The following ALDH9A1 variants were observed in gnomAD, a reference collection of about 807,000 sequenced individuals.
The protein encoded by ALDH9A1 is aldehyde dehydrogenase 9 family member A1, also known as 4-trimethylaminobutyraldehyde dehydrogenase.
A neutral mutation model predicts 56.6 loss-of-function variants in ALDH9A1; 42 were observed. The ratio of observed to expected loss-of-function variants is 0.74; its 90% CI spans 0.58 to 0.96. The LOEUF (loss-of-function observed/expected upper bound fraction) is 0.96, where lower values mean the gene tolerates loss of function less well. ALDH9A1 is among the 40% of genes least tolerant of loss of function. The pLI, the probability that ALDH9A1 is intolerant of heterozygous loss-of-function variation, is 0.00. For missense variants in ALDH9A1, 661 were observed against 651.5 expected (o/e 1.01, Z -0.16); for synonymous variants, 242 against 236.0 (o/e 1.03, Z -0.23).
At chr1:165,665,597 T>TA (rs376900491) in intron 9 of ALDH9A1, among the ~76,000 whole-genome samples, 7 of 151,550 alleles carry the variant, frequency 4.6e-5, no homozygotes, top group South Asian at 2.1e-4. Context: ...AAGTAACAGA[T>TA]AAAAAAAACA....
chr1:165,695,055 A>G (rs1254961315), intron 2 of ALDH9A1, among the ~76,000 whole-genome samples, 197 bp downstream of exon 2: 1 of 152,212 alleles, frequency 6.6e-6, no homozygotes, highest in African/African-American at 2.4e-5. Context: ...CTGCCAAAGG[A>G]GATGTCCAAG....
chr1:165,671,515 C>T (rs999556740), intron 6 of ALDH9A1: 4 of 454,570 alleles, frequency 8.8e-6, no homozygotes, highest in Non-Finnish European at 1.7e-5. Context: ...TCTAAGGGAC[C>T]GCTCCTAATC....
intron 4 of ALDH9A1, 143 bp downstream of exon 4, chr1:165,681,964 C>G (rs1361078389): frequency 8.8e-7 from 1 of 1,132,336 alleles, no homozygotes; most frequent in Non-Finnish European, 1.2e-6. Context: ...CGAGCCATGT[C>G]CTCTGAGGCT....
chr1:165,670,641 T>A (rs1649146758), intron 6 of ALDH9A1, among the ~76,000 whole-genome samples: 1 of 152,084 alleles, frequency 6.6e-6, no homozygotes. Flanking sequence ...AACATTTACC[T>A]CAGATAAAAG....
At position 165,680,513 on chromosome 1, in the gene ALDH9A1, T is replaced by C; in HGVS notation, c.763A>G (p.Thr255Ala). 6.2e-7 allele frequency: 1 copy of C among 1,614,070 alleles called. No individual in the cohort carries two copies. The highest frequency in any genetic ancestry group is 8.5e-7 in the Non-Finnish European group (1 of 1,179,992). Residue 255 changes from threonine (T) to alanine (A), a missense_variant, in exon 5 of 11, where the codon ACT becomes GCT. Transcript: ENST00000354775. Reference sequence around the variant, plus strand: ...TTCATGCCAGTGGGCACACTTCCAGTGAAGGAGACTTTGGCCACATCGGGA... The same window carrying C: ...TTCATGCCAGTGGGCACACTTCCAGCGAAGGAGACTTTGGCCACATCGGGA... Reference protein sequence around the residue: ...QHPDVAKVSFTGSVPTGMKIM... With the variant: ...QHPDVAKVSFAGSVPTGMKIM...
intron 5 of ALDH9A1, among the ~76,000 whole-genome samples, chr1:165,679,988 G>A (rs1649491520): frequency 6.6e-6 from 1 of 152,054 alleles, no homozygotes; most frequent in South Asian, 2.1e-4. Flanking sequence ...AATCCAGCCT[G>A]GGCAACAGGG....
chr1:165,678,161 C>G (rs1255748677), intron 6 of ALDH9A1, among the ~76,000 whole-genome samples: 1 of 152,064 alleles, frequency 6.6e-6, no homozygotes, highest in Non-Finnish European at 1.5e-5. Flanking sequence ...CAGTGAAACT[C>G]TGTCTCTACT....
At chr1:165,678,100 C>T (rs1321035480) in intron 6 of ALDH9A1, among the ~76,000 whole-genome samples, 1 of 151,932 alleles carries the variant, frequency 6.6e-6, no homozygotes, top group African/African-American at 2.4e-5. Context: ...CTTTGGGAGG[C>T]CAACGTGGGT....
At chr1:165,665,204 G>T in intron 9 of ALDH9A1, 74 bp from the exon 10 acceptor site, 1 of 1,134,000 alleles carries the variant, frequency 8.8e-7, no homozygotes, top group Non-Finnish European at 1.3e-6. Flanking sequence ...AAGTTACACT[G>T]CCAGTTCTAG....
At chr1:165,664,648 A>G (rs144377863) in intron 10 of ALDH9A1, among the ~76,000 whole-genome samples, 38 of 152,370 alleles carry the variant, frequency 2.5e-4, no homozygotes, top group African/African-American at 9.1e-4. Flanking sequence ...TAAAAACTCC[A>G]CAGTGGATGA....
At chr1:165,687,317 A>G (rs1649742288) in intron 2 of ALDH9A1, among the ~76,000 whole-genome samples, 1 of 152,032 alleles carries the variant, frequency 6.6e-6, no homozygotes, top group Non-Finnish European at 1.5e-5. Flanking sequence ...TAAAGAAATC[A>G]TGGCCAAATT....
At chr1:165,697,908 A>G (rs1650141717) in intron 1 of ALDH9A1, among the ~76,000 whole-genome samples, 1 of 152,088 alleles carries the variant, frequency 6.6e-6, no homozygotes, top group African/African-American at 2.4e-5. Flanking sequence ...GGGAGCCTGT[A>G]ATCCCAGCTA....
intron 6 of ALDH9A1, chr1:165,671,260 G>T: frequency 4.4e-6 from 1 of 226,898 alleles, no homozygotes; most frequent in Non-Finnish European, 9.0e-6. Context: ...GCCATCATGG[G>T]TCACATGCAC....
intron 9 of ALDH9A1, 133 bp from the exon 10 acceptor site, chr1:165,665,263 C>G: frequency 4.2e-6 from 3 of 722,374 alleles, no homozygotes; most frequent in South Asian, 1.9e-5. Flanking sequence ...GTTTTAAAAT[C>G]TTTTATCATC....
At chr1:165,697,766 C>G (rs574544912) in intron 1 of ALDH9A1, among the ~76,000 whole-genome samples, 1 of 152,120 alleles carries the variant, frequency 6.6e-6, no homozygotes, top group South Asian at 2.1e-4. Flanking sequence ...TGGTGGCTCA[C>G]GGCTGTAATC....
intron 9 of ALDH9A1, among the ~76,000 whole-genome samples, chr1:165,666,245 G>T (rs1011919469): frequency 6.6e-6 from 1 of 152,172 alleles, no homozygotes; most frequent in Non-Finnish European, 1.5e-5. Flanking sequence ...GGGGCTGGGG[G>T]TGGGGAGTGG....
Position 165,697,688 on chromosome 1 carries a change from C to G in ALDH9A1, c.181+690G>C, listed in dbSNP as rs187433923. Among the ~76,000 whole-genome samples, 168 of 152,292 alleles carry G rather than the reference C, an allele frequency of 1.1e-3. 1 individual carries two copies. The highest frequency in any genetic ancestry group is 1.8e-4 in the Non-Finnish European group (12 of 68,024). ...GCCCCGTTCTTTTAGAATTCCTCTC[C>G]TATGCACACATTTGAAGACAATAAT... On this transcript the variant is annotated intron_variant, in intron 1 of 10. Transcript: ENST00000354775.
chr1:165,693,623 T>C (rs1649964973), intron 2 of ALDH9A1, among the ~76,000 whole-genome samples: 1 of 152,206 alleles, frequency 6.6e-6, no homozygotes, highest in East Asian at 1.9e-4. Flanking sequence ...GGTGGGACTG[T>C]AAACTAGTTC....
At position 165,694,064 on chromosome 1, in the gene ALDH9A1, G is replaced by A. The variant is rs577302578; in HGVS notation, c.327+1188C>T. On this transcript the variant is annotated intron_variant, in intron 2 of 10. Coordinates refer to ENST00000354775, the MANE Select transcript of ALDH9A1 (RefSeq NM_000696.4). ...GGAACATCACACACCGGGGCCGTAG[G>A]GGGTGGGGGGCTGGGGGAGGGATAG... Among the ~76,000 whole-genome samples the A allele has an allele frequency of 6.6e-5, 10 of 151,596 alleles. No individual in the cohort carries two copies. In the South Asian group the frequency reaches 1.7e-3, roughly 25 times the overall value.
Sources: gnomAD v4.1 joint callset for allele counts (sites outside exome capture counted in the v4.1 genomes callset) on GRCh38, gnomAD v4.1.1 for gene constraint, MANE v1.5 for transcripts, NCBI Gene and HGNC (gene_info 2026-07-23, HGNC 2026-07-21) for gene names.